Variants in ODAD4 observed in about 807,000 individuals in gnomAD.
The protein encoded by ODAD4 is outer dynein arm-docking complex subunit 4.
Under a neutral mutation model 51.8 loss-of-function variants are expected in ODAD4, and 49 were observed. That is an observed-to-expected ratio of 0.95 (90% CI 0.75 to 1.20). The LOEUF is 1.20. Ranked by LOEUF, ODAD4 falls within the 50% of genes most tolerant of loss-of-function variation. The pLI is 0.00. For synonymous variants in ODAD4, 235 were observed against 221.3 expected, an observed-to-expected ratio of 1.06 and a Z score of -0.55; for missense variants, 590 against 586.5, an observed-to-expected ratio of 1.01 and a Z score of -0.06.
intron 1 of ODAD4, among the ~76,000 whole-genome samples, chr17:41,931,290 A>G (rs2050333804): frequency 1.3e-5 from 2 of 152,082 alleles, no homozygotes; most frequent in Admixed American, 6.6e-5. Context: ...TGATGGACAC[A>G]CTGCTGTCAC....
At chr17:41,950,024 C>T (rs958786936) in intron 9 of ODAD4, among the ~76,000 whole-genome samples, 27 of 152,052 alleles carry the variant, frequency 1.8e-4, no homozygotes, top group African/African-American at 6.0e-4. Flanking sequence ...GGCTAGACTG[C>T]AGGGGCACGA....
At chr17:41,961,045 A>G (rs1382309648) in intron 10 of ODAD4, among the ~76,000 whole-genome samples, 1 of 152,086 alleles carries the variant, frequency 6.6e-6, no homozygotes, top group East Asian at 1.9e-4. Flanking sequence ...GCAGGTTTGG[A>G]TTGTCTTTTT....
intron 9 of ODAD4, 200 bp from the exon 10 acceptor site, chr17:41,955,017 T>G (rs1555640774): frequency 1.5e-6 from 1 of 686,774 alleles, no homozygotes; most frequent in Admixed American, 1.9e-5. Context: ...GTCCTGGTTC[T>G]CGATGGTGAC....
chr17:41,930,967 C>T (rs946975987), intron 1 of ODAD4, 130 bp downstream of exon 1: 57 of 571,998 alleles, frequency 1.0e-4, no homozygotes, highest in Non-Finnish European at 1.6e-4. Flanking sequence ...GATCTCGGCT[C>T]GCCGCAACCT....
At chr17:41,955,687 A>G (rs1223399074) in intron 10 of ODAD4, among the ~76,000 whole-genome samples, 3 of 152,148 alleles carry the variant, frequency 2.0e-5, no homozygotes, top group Non-Finnish European at 4.4e-5. Flanking sequence ...GCCTCTCAAA[A>G]TGCTGGGATT....
chr17:41,965,665 A>G lies in ODAD4; in HGVS notation c.*182A>G, dbSNP rs1167862787. ...CACTCTTGCAAACCCTGAGTCTGTC[A>G]CTTTGCCTCTTCACCCCTGCCCATT... is the stretch of plus-strand genomic sequence containing the variant. On this transcript the variant is annotated 3_prime_UTR_variant, in exon 12 of 12. Coordinates refer to ENST00000377540, the MANE Select transcript of ODAD4 (RefSeq NM_031421.5). The G allele has an allele frequency of 5.3e-6, 3 of 568,180 alleles. No homozygotes were observed. The highest frequency in any genetic ancestry group is 6.2e-6 in the Non-Finnish European group (2 of 322,950). 35.2% of individuals were successfully genotyped at this position (568,180 alleles called of 1,614,324 possible).
chr17:41,945,597 G>A (rs2050574790), intron 8 of ODAD4, among the ~76,000 whole-genome samples: 1 of 152,026 alleles, frequency 6.6e-6, no homozygotes. Flanking sequence ...AATGAGGAAT[G>A]GGAATTTATT....
chr17:41,955,278 G>T lies in ODAD4; in HGVS notation c.1404G>T (p.Lys468Asn), dbSNP rs1555640834. The T allele has an allele frequency of 1.3e-6, 1 of 780,172 alleles. No homozygotes were observed. The highest frequency in any genetic ancestry group is 1.3e-5 in the South Asian group (1 of 74,426). The allele number at this position is 780,172 out of a possible 1,614,324, so 48.3% of individuals were successfully genotyped here. A position where few individuals can be genotyped will look rare whatever the true frequency, so the allele number is the denominator to read the frequency against. ...TTGAGAAGGCCCTGGAGAGAGCAAA[G>T]CTTGTGCATAACAACGAGGCGCAGC... ...NNFEKALERA[K>N]LVHNNEAQQA... Residue 468 changes from lysine (K) to asparagine (N), a missense_variant, in exon 10 of 12, where the codon AAG becomes AAT. By Grantham distance (94) the Lys-to-Asn change is moderately conservative. Coordinates refer to ENST00000377540, the MANE Select transcript of ODAD4 (RefSeq NM_031421.5).
Position 41,935,281 on chromosome 17 carries a change from T to C in ODAD4, c.179T>C (p.Met60Thr). 1 of 1,614,026 alleles carries C rather than the reference T, an allele frequency of 6.2e-7. No homozygotes were observed. The highest frequency in any genetic ancestry group is 1.3e-5 in the African/African-American group (1 of 75,062). ...GCTCGCTCAAAGTGCTTCCTGAAGATGGGAGACTTGGAGAGATCCCTGAAG... is the reference window on the plus strand; with the variant it reads ...GCTCGCTCAAAGTGCTTCCTGAAGACGGGAGACTTGGAGAGATCCCTGAAG... ...LVARSKCFLK[M>T]GDLERSLKDA... is the part of the protein sequence containing the mutation. Residue 60 changes from methionine (M) to threonine (T), a missense_variant, in exon 2 of 12, where the codon ATG (methionine) becomes ACG (threonine). By Grantham distance (81) the Met-to-Thr change is moderately conservative. Around this residue, in one of 3 missense-constraint regions of ODAD4, gnomAD observed 360 missense variants for 407.5 expected, o/e 0.88. Coordinates refer to ENST00000377540, the MANE Select transcript of ODAD4 (RefSeq NM_031421.5).
intron 10 of ODAD4, among the ~76,000 whole-genome samples, chr17:41,959,403 A>T (rs569202024): frequency 1.3e-5 from 2 of 152,318 alleles, no homozygotes; most frequent in South Asian, 4.1e-4. Flanking sequence ...AGCTTATGCC[A>T]TCATTGAAAG....
chr17:41,965,422 A>T lies in ODAD4; in HGVS notation c.1958A>T (p.Gln653Leu). Residue 653 changes from glutamine (Q) to leucine (L), a missense_variant, in exon 12 of 12, where the codon CAA (glutamine) becomes CTA (leucine). Around this residue, in one of 3 missense-constraint regions of ODAD4, gnomAD observed 226 missense variants for 162.7 expected, o/e 1.39. Transcript: ENST00000377540. ...RREPEELGKT[Q>L]FGEIGETKKT... ...GAGCCAGAAGAACTGGGAAAAACAC[A>T]ATTTGGAGAAATAGGAGAAACGAAA... The T allele has an allele frequency of 1.3e-6, 1 of 777,508 alleles. No homozygotes were observed. Among genetic ancestry groups the T allele is most frequent in the East Asian group, 2.4e-5 (1 of 41,246 alleles). The allele number at this position is 777,508 out of a possible 1,614,324, so 48.2% of individuals were successfully genotyped here.
At chr17:41,935,036 G>T (rs1171317790) in intron 1 of ODAD4, among the ~76,000 whole-genome samples, 181 bp from the exon 2 acceptor site, 1 of 152,130 alleles carries the variant, frequency 6.6e-6, no homozygotes, top group African/African-American at 2.4e-5. Flanking sequence ...GATCGGAGTT[G>T]TTCTGCTTAG....
chr17:41,940,179 T>G (rs910683191), intron 7 of ODAD4, among the ~76,000 whole-genome samples: 5 of 152,112 alleles, frequency 3.3e-5, no homozygotes, highest in African/African-American at 1.2e-4. Flanking sequence ...CATCATCCCA[T>G]TTGCCCTCAC....
Position 41,965,588 on chromosome 17 carries a change from G to A in ODAD4, c.*105G>A, listed in dbSNP as rs1357561914. The A allele has an allele frequency of 1.6e-6, 1 of 629,106 alleles. No individual in the cohort carries two copies. Among genetic ancestry groups the A allele is most frequent in the Non-Finnish European group, 2.8e-6 (1 of 355,012 alleles). 39.0% of individuals were successfully genotyped at this position (629,106 alleles called of 1,614,324 possible). ...TTTGTCTGTTATAGGAAAAATGAGG[G>A]TTTTACTTCTGCTGCTTTCCATCAC... On this transcript the variant is annotated 3_prime_UTR_variant, in exon 12 of 12. Coordinates refer to ENST00000377540, the MANE Select transcript of ODAD4 (RefSeq NM_031421.5).
At position 41,936,933 on chromosome 17, in the gene ODAD4, G is replaced by A. The variant is rs781850459; in HGVS notation, c.625+6G>A. ...GAAGCTCCTATTGGATGAAGGTTTC[G>A]GACACTTTGTTGGCACGGGGCCTTG... On this transcript the variant is annotated splice_donor_region_variant and intron_variant, in intron 5 of 11. Transcript: ENST00000377540. 6.4e-5 allele frequency: 104 copies of A among 1,612,750 alleles called. No individual in the cohort carries two copies. The highest frequency in any genetic ancestry group is 2.5e-4 in the Admixed American group (15 of 59,940).
Position 41,930,662 on chromosome 17 carries a change from GAT to G in ODAD4, c.-60_-59del, listed in dbSNP as rs1367262947. 24 of 1,114,330 alleles carry G rather than the reference GAT, an allele frequency of 2.2e-5. No individual in the cohort carries two copies. The highest frequency in any genetic ancestry group is 2.8e-5 in the Non-Finnish European group (21 of 750,746). The allele number at this position is 1,114,330 out of a possible 1,614,324, so 69.0% of individuals were successfully genotyped here. ...TAAGAAACGGAGCTTCCACAAACCA[GAT>G]AGAGGTTCTCCAGCTTTTCTTTGAT... On this transcript the variant is annotated 5_prime_UTR_variant, in exon 1 of 12. The change abolishes the stop of an existing upstream ORF in the 5' untranslated region. Coordinates refer to ENST00000377540, the MANE Select transcript of ODAD4 (RefSeq NM_031421.5).
intron 8 of ODAD4, among the ~76,000 whole-genome samples, chr17:41,948,895 G>A (rs2050620601): frequency 6.6e-6 from 1 of 152,116 alleles, no homozygotes; most frequent in South Asian, 2.1e-4. Context: ...GCCCACTTCA[G>A]CCTCCCAAAG....
chr17:41,959,061 A>T (rs564525476), intron 10 of ODAD4, among the ~76,000 whole-genome samples: 96 of 152,154 alleles, frequency 6.3e-4, no homozygotes, highest in African/African-American at 1.7e-3. Context: ...TACATAATAC[A>T]GATCTAGAAT....
At chr17:41,952,629 T>C (rs1555640341) in intron 9 of ODAD4, 1 of 512,806 alleles carries the variant, frequency 2.0e-6, no homozygotes, top group East Asian at 5.5e-5. Context: ...ATGTGACTCT[T>C]CTGCAGACCT....
Sources: gnomAD v4.1 joint callset for allele counts (sites outside exome capture counted in the v4.1 genomes callset) on GRCh38, gnomAD v4.1.1 for gene constraint, gnomAD v4.1.1 regional missense constraint, MANE v1.5 for transcripts, NCBI Gene and HGNC (gene_info 2026-07-23, HGNC 2026-07-21) for gene names.